Variants in TNR observed in about 807,000 individuals in gnomAD.
TNR encodes the protein tenascin-R.
A neutral mutation model predicts 150.4 loss-of-function variants in TNR; 45 were observed. That is an observed-to-expected ratio of 0.30 (90% CI 0.24 to 0.38). The LOEUF (loss-of-function observed/expected upper bound fraction) is 0.38. TNR is among the 10% of genes least tolerant of loss of function. The pLI is 1.00. For synonymous variants in TNR, 687 were observed against 678.4 expected, an observed-to-expected ratio of 1.01 and a Z score of -0.20; for missense variants, 1,544 against 1,759.1, an observed-to-expected ratio of 0.88 and a Z score of 2.19.
intron 2 of TNR, among the ~76,000 whole-genome samples, chr1:175,482,614 C>T (rs1657856839): frequency 1.3e-5 from 2 of 152,142 alleles, no homozygotes; most frequent in South Asian, 4.1e-4. Flanking sequence ...AACAAATGTA[C>T]ACTGAGAAGA....
chr1:175,728,721 T>C (rs988619527), intron 1 of TNR, among the ~76,000 whole-genome samples: 4 of 152,222 alleles, frequency 2.6e-5, no homozygotes, highest in South Asian at 4.1e-4. Context: ...CAGATTTTAA[T>C]AGGCTATAGG....
At chr1:175,374,675 C>T (rs1652290289) in intron 9 of TNR, among the ~76,000 whole-genome samples, 1 of 152,170 alleles carries the variant, frequency 6.6e-6, no homozygotes, top group Non-Finnish European at 1.5e-5. Context: ...GCCCTGTTGG[C>T]AATTTTTCAG....
At chr1:175,421,125 A>G (rs1654738439) in intron 2 of TNR, among the ~76,000 whole-genome samples, 1 of 152,162 alleles carries the variant, frequency 6.6e-6, no homozygotes, top group Admixed American at 6.5e-5. Flanking sequence ...AGAGCTGGAC[A>G]TGGGTTGAGT....
chr1:175,588,194 C>A (rs1329938258), intron 1 of TNR, among the ~76,000 whole-genome samples: 3 of 152,158 alleles, frequency 2.0e-5, no homozygotes, highest in Non-Finnish European at 4.4e-5. Context: ...TTAATGGCAA[C>A]AGAGAGGAGG....
intron 11 of TNR, among the ~76,000 whole-genome samples, 154 bp from the exon 12 acceptor site, chr1:175,365,433 T>A (rs2102013772): frequency 6.6e-6 from 1 of 152,308 alleles, no homozygotes; most frequent in South Asian, 2.1e-4. Context: ...CACCCTCCAG[T>A]GCTGTTCACT....
At chr1:175,411,691 T>A (rs959166382) in intron 2 of TNR, among the ~76,000 whole-genome samples, 1 of 151,812 alleles carries the variant, frequency 6.6e-6, no homozygotes, top group Non-Finnish European at 1.5e-5. Context: ...TTCTTAAAAG[T>A]ACAGCAGTCA....
At chr1:175,659,758 TCA>T (rs959496686) in intron 1 of TNR, among the ~76,000 whole-genome samples, 1 of 152,094 alleles carries the variant, frequency 6.6e-6, no homozygotes, top group African/African-American at 2.4e-5. Context: ...AGAGGACTGC[TCA>T]CAGAGACCAC....
At chr1:175,649,038 T>C (rs1202976576) in intron 1 of TNR, among the ~76,000 whole-genome samples, 1 of 152,088 alleles carries the variant, frequency 6.6e-6, no homozygotes, top group African/African-American at 2.4e-5. Context: ...TTCCTCCCCA[T>C]AGCCGGAGGG....
At chr1:175,440,884 A>C (rs78865438) in intron 2 of TNR, among the ~76,000 whole-genome samples, 1,949 of 152,288 alleles carry the variant, frequency 0.013, 55 homozygotes, top group African/African-American at 0.044. Context: ...GGTGTCCTTA[A>C]GTAGGAGAGA....
intron 1 of TNR, among the ~76,000 whole-genome samples, chr1:175,638,332 GTCC>G (rs1553249748): frequency 6.6e-6 from 1 of 152,160 alleles, no homozygotes; most frequent in Non-Finnish European, 1.5e-5. Flanking sequence ...AGGGTACAAG[GTCC>G]TCCTCCTCAG....
intron 1 of TNR, among the ~76,000 whole-genome samples, chr1:175,734,012 A>G (rs955918763): frequency 6.6e-6 from 1 of 152,210 alleles, no homozygotes; most frequent in Non-Finnish European, 1.5e-5. Context: ...CCTTGAGCTC[A>G]GAGGCCTTGC....
At chr1:175,391,212 C>T (rs540455377) in intron 7 of TNR, 76 bp downstream of exon 7, 1 of 1,559,390 alleles carries the variant, frequency 6.4e-7, no homozygotes, top group East Asian at 2.2e-5. Context: ...TGTCTCTCCA[C>T]TCCTTGGGCA....
chr1:175,560,066 A>G (rs1176278754), intron 1 of TNR, among the ~76,000 whole-genome samples: 1 of 152,204 alleles, frequency 6.6e-6, no homozygotes, highest in Non-Finnish European at 1.5e-5. Context: ...TCTGCCATTG[A>G]TATTTTTGTC....
intron 2 of TNR, among the ~76,000 whole-genome samples, chr1:175,500,218 T>C (rs529731840): frequency 4.6e-5 from 7 of 152,314 alleles, no homozygotes; most frequent in African/African-American, 1.7e-4. Flanking sequence ...TAGCTTCTAC[T>C]ATGACACATC....
At chr1:175,335,655 G>T in intron 20 of TNR, 56 bp downstream of exon 20, 1 of 1,522,462 alleles carries the variant, frequency 6.6e-7, no homozygotes, top group Non-Finnish European at 9.0e-7. Flanking sequence ...AAAAAGGAGA[G>T]AGATGGACAA....
chr1:175,587,213 T>C (rs1662609540), intron 1 of TNR, among the ~76,000 whole-genome samples: 1 of 152,230 alleles, frequency 6.6e-6, no homozygotes, highest in African/African-American at 2.4e-5. Flanking sequence ...TAACAGTTGC[T>C]GGCTTAGGAC....
At chr1:175,451,198 T>A (rs370050382) in intron 2 of TNR, among the ~76,000 whole-genome samples, 8 of 140,404 alleles carry the variant, frequency 5.7e-5, no homozygotes, top group Admixed American at 6.8e-5. Flanking sequence ...TCAAAGCACC[T>A]GGTTAGTTTT....
At chr1:175,334,928 G>A (rs1300956735) in intron 20 of TNR, among the ~76,000 whole-genome samples, 2 of 152,176 alleles carry the variant, frequency 1.3e-5, no homozygotes, top group Non-Finnish European at 2.9e-5. Flanking sequence ...TGGACAATGG[G>A]GTGGTCCTAG....
rs762049560 is a variant in TNR at position 175,366,133 on chromosome 1, C to G, written c.2059G>C (p.Asp687His). 1.3e-6 allele frequency: 2 copies of G among 1,599,612 alleles called. No homozygotes were observed. Among genetic ancestry groups the G allele is most frequent in the Admixed American group, 1.7e-5 (1 of 58,886 alleles). ...GTCACCATGAGGTCTCGGGGACTGT[C>G]AAGTTCTGTGGATTGACATAAATGG... ...PATMNARTEL[D>H]SPRDLMVTAS... The change falls in exon 11 of 23, where the codon GAC becomes CAC. Residue 687 changes from aspartate (D) to histidine (H), a missense_variant. Physicochemically the swap from Asp to His is moderately conservative, Grantham distance 81. Around this residue, in one of 2 missense-constraint regions of TNR, gnomAD observed 1,254 missense variants for 1,329.4 expected, o/e 0.94. Coordinates refer to ENST00000367674, the MANE Select transcript of TNR (RefSeq NM_003285.3).
Sources: gnomAD v4.1 joint callset for allele counts (sites outside exome capture counted in the v4.1 genomes callset) on GRCh38, gnomAD v4.1.1 for gene constraint, gnomAD v4.1.1 regional missense constraint, MANE v1.5 for transcripts, NCBI Gene and HGNC (gene_info 2026-07-23, HGNC 2026-07-21) for gene names.